The following TFDP2 variants were observed in gnomAD, a reference collection of about 807,000 sequenced individuals.
TFDP2 encodes the protein transcription factor Dp-2 (E2F dimerization partner 2).
In TFDP2, 17 loss-of-function variants were observed where a neutral mutation model predicts 59.3. The ratio of observed to expected loss-of-function variants is 0.29; its 90% CI spans 0.20 to 0.43. TFDP2 has a LOEUF of 0.43. Among genes scored for constraint, TFDP2 ranks in the 20% least tolerant of loss-of-function variants. The pLI, the probability that TFDP2 is intolerant of heterozygous loss-of-function variation, is 1.00. For missense variants in TFDP2, 391 were observed against 528.8 expected (o/e 0.74, Z 2.56); for synonymous variants, 180 against 194.7 (o/e 0.92, Z 0.63).
In TFDP2 at chr3:141,947,206, G is replaced by C. The variant is rs1014578206; in HGVS notation, c.*5307C>G. On this transcript the variant is annotated 3_prime_UTR_variant, in exon 13 of 13. Transcript: ENST00000489671. ...CTCCTGATACATAGTGTGGGTCTTT[G>C]GGAAATGCATATTAGTTTTCATCAG... The C allele has an allele frequency of 2.6e-5, 4 of 152,118 alleles. No homozygotes were observed. The highest frequency in any genetic ancestry group is 9.7e-5 in the African/African-American group (4 of 41,412). The allele number at this position is 152,118 out of a possible 1,614,324, so 9.4% of individuals were successfully genotyped here.
intron 1 of TFDP2, among the ~76,000 whole-genome samples, chr3:142,116,520 A>G (rs529985856): frequency 6.6e-5 from 10 of 152,346 alleles, no homozygotes; most frequent in African/African-American, 2.4e-4. Flanking sequence ...ATCCTCTCCT[A>G]GAGGCTTTAC....
rs183293194 is a variant in TFDP2, at chr3:141,976,192, T to G, written c.520-2001A>C. The stretch of plus-strand genomic sequence containing the variant: ...CTGCACCCGGCCTATAGTAGTAGTA[T>G]TATTCTTTTTAACAAATATACTAAT... On this transcript the variant is annotated intron_variant, in intron 7 of 12. Transcript: ENST00000489671. Among the ~76,000 whole-genome samples, 42 of 152,280 alleles carry G rather than the reference T, an allele frequency of 2.8e-4. No individual in the cohort carries two copies. The East Asian group carries it at 5.2e-3, about 19-fold the overall frequency.
intron 3 of TFDP2, among the ~76,000 whole-genome samples, chr3:142,073,470 C>CA (rs1553796621): frequency 7.7e-5 from 4 of 52,032 alleles, no homozygotes; most frequent in African/African-American, 2.6e-4. Flanking sequence ...CCCCCCCCCC[C>CA]GCAAAAAAAA....
chr3:142,034,833 A>G (rs1173113991), intron 3 of TFDP2, among the ~76,000 whole-genome samples: 2 of 150,704 alleles, frequency 1.3e-5, no homozygotes, highest in Non-Finnish European at 3.0e-5. Flanking sequence ...TCAGCCTCCC[A>G]AGTAGCTGGG....
intron 3 of TFDP2, among the ~76,000 whole-genome samples, chr3:142,092,440 C>T (rs1310691437): frequency 6.6e-6 from 1 of 152,112 alleles, no homozygotes; most frequent in Non-Finnish European, 1.5e-5. Context: ...AATCCTCCTA[C>T]ACTGGCCTCC....
At chr3:141,966,374 T>C (rs1938070893) in intron 9 of TFDP2, among the ~76,000 whole-genome samples, 1 of 151,698 alleles carries the variant, frequency 6.6e-6, no homozygotes. Context: ...GGTTTTACCA[T>C]ATTGGCCAGG....
intron 3 of TFDP2, among the ~76,000 whole-genome samples, chr3:142,036,132 G>A (rs1946685780): frequency 6.6e-6 from 1 of 152,090 alleles, no homozygotes; most frequent in African/African-American, 2.4e-5. Context: ...AAAAAATAAA[G>A]AAGATCACTT....
At chr3:142,010,125 T>C (rs1272911223) in intron 3 of TFDP2, among the ~76,000 whole-genome samples, 1 of 152,166 alleles carries the variant, frequency 6.6e-6, no homozygotes, top group East Asian at 1.9e-4. Flanking sequence ...AGAAGACAAA[T>C]GTCAGGCTGG....
chr3:141,979,620 G>A (rs914069686), intron 6 of TFDP2, among the ~76,000 whole-genome samples: 3 of 151,926 alleles, frequency 2.0e-5, no homozygotes, highest in Non-Finnish European at 4.4e-5. Context: ...AGAGAGTTTC[G>A]CTCTATCCCC....
intron 3 of TFDP2, among the ~76,000 whole-genome samples, chr3:142,061,889 TACACA>T (rs1333167523): frequency 0.29 from 23,461 of 79,994 alleles, 3,757 homozygotes; most frequent in East Asian, 0.38. Flanking sequence ...TCTCTCTCTC[TACACA>T]CACACACACA....
chr3:142,054,583 G>C (rs537019464), intron 3 of TFDP2, among the ~76,000 whole-genome samples: 6 of 152,036 alleles, frequency 3.9e-5, no homozygotes, highest in Non-Finnish European at 8.8e-5. Flanking sequence ...TTAACACCTC[G>C]TGTTTGTATA....
chr3:142,003,493 T>G (rs1325458069), intron 4 of TFDP2, among the ~76,000 whole-genome samples: 1 of 152,190 alleles, frequency 6.6e-6, no homozygotes, highest in Non-Finnish European at 1.5e-5. Context: ...GCTTAATCAC[T>G]TCCCCAAAGG....
intron 3 of TFDP2, among the ~76,000 whole-genome samples, chr3:142,064,054 A>T (rs2060000669): frequency 6.6e-6 from 1 of 152,106 alleles, no homozygotes; most frequent in Non-Finnish European, 1.5e-5. Context: ...CCTGGGTTCA[A>T]ATGATTCTTG....
rs1941079703 is a variant in TFDP2, at chr3:141,978,691, G to C, written c.357-9C>G. 1.9e-6 allele frequency: 3 copies of C among 1,588,080 alleles called. No homozygotes were observed. Among genetic ancestry groups the C allele is most frequent in the Non-Finnish European group, 2.6e-6 (3 of 1,171,536 alleles). Reference sequence around the variant, plus strand: ...CTTTTTTGCTTCGTTTACTAGAAGGGAAAAAAGTTTTTTTTACTCCATTAT... The same window carrying C: ...CTTTTTTGCTTCGTTTACTAGAAGGCAAAAAAGTTTTTTTTACTCCATTAT... On this transcript the variant is annotated splice_polypyrimidine_tract_variant and intron_variant, in intron 6 of 12. Coordinates refer to ENST00000489671, the MANE Select transcript of TFDP2 (RefSeq NM_001178139.2).
chr3:142,104,237 C>G (rs1028265870), intron 1 of TFDP2, among the ~76,000 whole-genome samples: 2 of 152,118 alleles, frequency 1.3e-5, no homozygotes, highest in African/African-American at 4.8e-5. Flanking sequence ...TTATTTCTTA[C>G]GTCCTCTCTA....
chr3:142,064,227 C>T (rs1052973230), intron 3 of TFDP2, among the ~76,000 whole-genome samples: 1 of 152,074 alleles, frequency 6.6e-6, no homozygotes, highest in African/African-American at 2.4e-5. Context: ...CTGAGATGAC[C>T]GTGCCTGGCC....
At chr3:141,973,123 A>ATATATTTTTTTTTTTTT in intron 8 of TFDP2, among the ~76,000 whole-genome samples, 91 of 57,970 alleles carry the variant, frequency 1.6e-3, no homozygotes, top group Non-Finnish European at 2.7e-3. Flanking sequence ...ATATATATAT[A>ATATATTTTTTTTTTTTT]TTTTTTTTTT....
chr3:141,983,533 G>T (rs1356827834), intron 6 of TFDP2, among the ~76,000 whole-genome samples: 2 of 151,768 alleles, frequency 1.3e-5, no homozygotes, highest in African/African-American at 4.8e-5. Context: ...AGCTACTTGG[G>T]AGGCTGAGGC....
chr3:141,977,089 C>CATATAT (rs1275287133), intron 7 of TFDP2, among the ~76,000 whole-genome samples: 22 of 110,938 alleles, frequency 2.0e-4, no homozygotes, highest in African/African-American at 7.6e-4. Context: ...CAGTCATAGC[C>CATATAT]ATATATATAT....
Sources: allele counts gnomAD v4.1 joint callset (sites outside exome capture counted in the v4.1 genomes callset), GRCh38; gene constraint gnomAD v4.1.1; transcripts MANE v1.5; gene names NCBI Gene and HGNC (gene_info 2026-07-23, HGNC 2026-07-21).